Variants in CLEC16A observed in about 807,000 individuals in gnomAD.
The protein encoded by CLEC16A is C-type lectin domain containing 16A.
CLEC16A carries 51 observed loss-of-function variants against 109.5 expected under a neutral mutation model. The ratio of observed to expected loss-of-function variants is 0.47; its 90% CI spans 0.37 to 0.59. CLEC16A has a LOEUF of 0.59. Ranked by LOEUF, CLEC16A falls within the 20% of genes least tolerant of loss-of-function variation. The pLI is 0.00. For synonymous variants in CLEC16A, 673 were observed against 564.2 expected (o/e 1.19, Z -2.73); for missense variants, 1,339 against 1,394.0 (o/e 0.96, Z 0.63).
At chr16:11,055,631 A>C (rs899739815) in intron 18 of CLEC16A, among the ~76,000 whole-genome samples, 1 of 113,180 alleles carries the variant, frequency 8.8e-6, no homozygotes, top group African/African-American at 3.5e-5. Flanking sequence ...TCTGTCACCC[A>C]TGCTGGAGTG....
chr16:11,118,619 T>C (rs534099750), intron 19 of CLEC16A, among the ~76,000 whole-genome samples: 3 of 152,340 alleles, frequency 2.0e-5, no homozygotes, highest in Admixed American at 2.0e-4. Context: ...AGCACTGAAA[T>C]GTTACTGAGG....
intron 19 of CLEC16A, among the ~76,000 whole-genome samples, chr16:11,091,825 A>G (rs79399474): frequency 0.045 from 6,818 of 152,216 alleles, 549 homozygotes; most frequent in African/African-American, 0.16. Flanking sequence ...ACCCACGGGT[A>G]GCTGAACTTG....
In CLEC16A at chr16:11,107,020, T is replaced by C. The variant is rs868287300; in HGVS notation, c.2117-13595T>C. On this transcript the variant is annotated intron_variant, in intron 19 of 23. Transcript: ENST00000409790. The stretch of plus-strand genomic sequence containing the variant: ...GAGAACACAAGAGTTTTCTTAACAG[T>C]GCTCTGCCGGTTACTCTTGGTGGTG... 2.0e-5 allele frequency among the ~76,000 whole-genome samples: 3 copies of C among 152,024 alleles called. No individual in the cohort carries two copies. The South Asian group carries it at 6.3e-4, about 32-fold the overall frequency.
intron 22 of CLEC16A, among the ~76,000 whole-genome samples, chr16:11,140,585 T>G (rs1156878578): frequency 6.6e-6 from 1 of 152,142 alleles, no homozygotes; most frequent in South Asian, 2.1e-4. Context: ...AAATGCAGAA[T>G]CTGGCCTGTC....
chr16:10,991,545 G>A (rs1402139939), intron 10 of CLEC16A, among the ~76,000 whole-genome samples: 1 of 152,120 alleles, frequency 6.6e-6, no homozygotes, highest in African/African-American at 2.4e-5. Flanking sequence ...TAGGAGATGA[G>A]GTTGGAGAGA....
intron 19 of CLEC16A, among the ~76,000 whole-genome samples, chr16:11,072,247 G>A (rs778948778): frequency 3.3e-5 from 5 of 151,914 alleles, no homozygotes; most frequent in East Asian, 3.9e-4. Flanking sequence ...TCAGCCTGTA[G>A]TATCTGGGAC....
At chr16:10,993,044 G>T (rs1482601652) in intron 10 of CLEC16A, among the ~76,000 whole-genome samples, 1 of 152,050 alleles carries the variant, frequency 6.6e-6, no homozygotes, top group Non-Finnish European at 1.5e-5. Flanking sequence ...AGAGAGGCCA[G>T]CATTCAAGAA....
intron 22 of CLEC16A, among the ~76,000 whole-genome samples, chr16:11,160,599 C>G (rs1362577034): frequency 6.6e-6 from 1 of 151,962 alleles, no homozygotes; most frequent in Non-Finnish European, 1.5e-5. Flanking sequence ...CTCTGGGAGC[C>G]AGCCCGTCCC....
intron 18 of CLEC16A, among the ~76,000 whole-genome samples, chr16:11,060,348 TC>T (rs1367868212): frequency 1.3e-5 from 2 of 152,176 alleles, no homozygotes; most frequent in African/African-American, 4.8e-5. Flanking sequence ...AGGATTTTCC[TC>T]AGGTCTCAGG....
intron 19 of CLEC16A, among the ~76,000 whole-genome samples, chr16:11,074,331 A>C (rs2049233159): frequency 6.6e-6 from 1 of 152,236 alleles, no homozygotes; most frequent in African/African-American, 2.4e-5. Context: ...TACTTGATGA[A>C]TAATGTTGCT....
At chr16:11,107,869 C>G (rs1358987320) in intron 19 of CLEC16A, among the ~76,000 whole-genome samples, 1 of 152,258 alleles carries the variant, frequency 6.6e-6, no homozygotes, top group African/African-American at 2.4e-5. Flanking sequence ...ATGCATTGCA[C>G]TGTCCTCCTG....
intron 19 of CLEC16A, among the ~76,000 whole-genome samples, chr16:11,080,233 C>T (rs2049625875): frequency 6.6e-6 from 1 of 152,240 alleles, no homozygotes. Flanking sequence ...GCCCTCCTCC[C>T]TTCAGGCATC....
intron 19 of CLEC16A, among the ~76,000 whole-genome samples, chr16:11,067,769 T>C (rs1261453577): frequency 1.3e-5 from 2 of 152,126 alleles, no homozygotes; most frequent in African/African-American, 4.8e-5. Context: ...TAAGAGGTGG[T>C]GTCCACAAGC....
At chr16:10,968,122 A>G (rs922013096) in intron 3 of CLEC16A, among the ~76,000 whole-genome samples, 5 of 152,320 alleles carry the variant, frequency 3.3e-5, no homozygotes, top group African/African-American at 9.6e-5. Context: ...CACTCACACA[A>G]CATTCCAAAG....
At chr16:10,977,456 A>G in intron 8 of CLEC16A, 57 bp downstream of exon 8, 3 of 1,452,818 alleles carry the variant, frequency 2.1e-6, no homozygotes, top group South Asian at 1.2e-5. Context: ...GGGGAAGAAC[A>G]GTCCCCAGTC....
chr16:11,039,022 G>A (rs953711710), intron 13 of CLEC16A, among the ~76,000 whole-genome samples: 1 of 152,060 alleles, frequency 6.6e-6, no homozygotes, highest in Admixed American at 6.5e-5. Context: ...TATTTCCTTC[G>A]TGTCTAGTCT....
At chr16:11,061,690 A>G (rs1380678833) in intron 19 of CLEC16A, among the ~76,000 whole-genome samples, 1 of 152,204 alleles carries the variant, frequency 6.6e-6, no homozygotes, top group Non-Finnish European at 1.5e-5. Flanking sequence ...TCTGTTTCTT[A>G]ACGGCATTGT....
chr16:11,077,117 G>T (rs1458950710), intron 19 of CLEC16A, among the ~76,000 whole-genome samples: 1 of 152,014 alleles, frequency 6.6e-6, no homozygotes, highest in African/African-American at 2.4e-5. Context: ...GGCTGAGGCG[G>T]GAGGATCACT....
chr16:11,034,520 G>T (rs2046916243), intron 13 of CLEC16A, among the ~76,000 whole-genome samples: 1 of 152,130 alleles, frequency 6.6e-6, no homozygotes, highest in Non-Finnish European at 1.5e-5. Flanking sequence ...ACACTGTGGG[G>T]CCACACCCTT....
Sources: gnomAD v4.1 joint callset for allele counts (sites outside exome capture counted in the v4.1 genomes callset) on GRCh38, gnomAD v4.1.1 for gene constraint, MANE v1.5 for transcripts, NCBI Gene and HGNC (gene_info 2026-07-23, HGNC 2026-07-21) for gene names.